Variants in WDR7 observed in about 807,000 individuals in gnomAD.
The protein encoded by WDR7 is WD repeat-containing protein 7.
WDR7 carries 46 observed loss-of-function variants against 169.4 expected under a neutral mutation model. The ratio of observed to expected loss-of-function variants is 0.27; its 90% confidence interval spans 0.21 to 0.35. WDR7 has a LOEUF of 0.35. Among genes scored for constraint, WDR7 ranks in the 10% least tolerant of loss-of-function variants. The probability of loss-of-function intolerance (pLI) is 1.00; values close to 1 mark genes in which losing one functional copy is unlikely to be tolerated. For synonymous variants in WDR7, 612 were observed against 666.8 expected (o/e 0.92, Z 1.27); for missense variants, 1,534 against 1,859.3 (o/e 0.83, Z 3.22).
intron 14 of WDR7, among the ~76,000 whole-genome samples, chr18:56,741,768 C>A (rs1391139957): frequency 6.6e-6 from 1 of 152,182 alleles, no homozygotes; most frequent in Non-Finnish European, 1.5e-5. Context: ...AAACTAAATT[C>A]TCAAAACTAA....
chr18:56,687,421 A>G (rs1465109921), intron 7 of WDR7, among the ~76,000 whole-genome samples: 1 of 152,218 alleles, frequency 6.6e-6, no homozygotes, highest in Non-Finnish European at 1.5e-5. Flanking sequence ...CCAGACTTTA[A>G]TATTTCCATA....
chr18:56,908,466 G>T, intron 21 of WDR7, among the ~76,000 whole-genome samples: 1 of 152,098 alleles, frequency 6.6e-6, no homozygotes, highest in Non-Finnish European at 1.5e-5. Context: ...TATTTCATTT[G>T]CAATATTAAA....
intron 19 of WDR7, 129 bp downstream of exon 19, chr18:56,781,785 T>A (rs1599038684): frequency 1.9e-6 from 2 of 1,034,122 alleles, no homozygotes; most frequent in East Asian, 3.1e-5. Context: ...AAAGAACAGA[T>A]CCTCAAATTC....
intron 25 of WDR7, among the ~76,000 whole-genome samples, chr18:56,952,812 A>G (rs1388959911): frequency 6.6e-6 from 1 of 152,222 alleles, no homozygotes; most frequent in East Asian, 1.9e-4. Flanking sequence ...ATATTACTAA[A>G]TGCATATTAC....
At chr18:56,962,025 G>A (rs2047345226) in intron 25 of WDR7, among the ~76,000 whole-genome samples, 1 of 151,958 alleles carries the variant, frequency 6.6e-6, no homozygotes, top group African/African-American at 2.4e-5. Flanking sequence ...ATAATTACAT[G>A]GAATACGTAA....
intron 22 of WDR7, among the ~76,000 whole-genome samples, chr18:56,928,769 A>G (rs76116184): frequency 6.6e-6 from 1 of 152,310 alleles, no homozygotes; most frequent in East Asian, 1.9e-4. Context: ...CAGATGAGAA[A>G]AAAATGAATC....
rs1468348007 is a variant in WDR7 at position 56,986,131 on chromosome 18, TGTGTGTGTGTGTG to T, written c.4164+23603_4164+23615del. Among the ~76,000 whole-genome samples the T allele has an allele frequency of 4.9e-3, 25 of 5,138 alleles. No homozygotes were observed. In the East Asian group the frequency reaches 0.22, roughly 45 times the overall value. The allele number at this position is 5,138 out of a possible 152,430, so 3.4% of individuals were successfully genotyped here. ...AATAGAGCTAATTTCAGCTTCTTTG[TGTGTGTGTGTGTG>T]TGTGTGTGTGTGTGTGTGTGTGTGT... is the stretch of plus-strand genomic sequence containing the variant. On this transcript the variant is annotated intron_variant, in intron 26 of 27. Coordinates refer to ENST00000254442, the MANE Select transcript of WDR7 (RefSeq NM_015285.3).
At chr18:56,823,206 A>G (rs995161218) in intron 20 of WDR7, among the ~76,000 whole-genome samples, 4 of 152,138 alleles carry the variant, frequency 2.6e-5, no homozygotes, top group African/African-American at 4.8e-5. Flanking sequence ...TGTATCTCCA[A>G]CCTAGCCTTC....
chr18:56,688,884 T>C (rs186468381), intron 7 of WDR7, among the ~76,000 whole-genome samples: 313 of 152,298 alleles, frequency 2.1e-3, no homozygotes, highest in African/African-American at 7.2e-3. Context: ...TTTTTCTTTC[T>C]TAAAATGCAT....
rs561337130 is a variant in WDR7 at position 56,841,260 on chromosome 18, G to A, written c.3304+25116G>A. 2.0e-5 allele frequency among the ~76,000 whole-genome samples: 3 copies of A among 151,902 alleles called. No individual in the cohort carries two copies. The East Asian group carries it at 5.8e-4, about 29-fold the overall frequency. On this transcript the variant is annotated intron_variant, in intron 20 of 27. Transcript: ENST00000254442. ...ATTTACAATTAGAAATAAAGGGAAT[G>A]GCTGGGCGCGGTGGCCCACACCTGT...
intron 25 of WDR7, among the ~76,000 whole-genome samples, chr18:56,944,965 A>G (rs926099100): frequency 1.3e-5 from 2 of 152,344 alleles, no homozygotes; most frequent in Non-Finnish European, 2.9e-5. Context: ...TTCTAACTCC[A>G]AGATAAAACC....
chr18:56,663,533 A>T lies in WDR7; in HGVS notation c.-19-8964A>T, dbSNP rs558630582. ...TGAATCATCATGGTATGTATAAGTT[A>T]CTTTCAAGTGGTTCTACACACACAA... On this transcript the variant is annotated intron_variant, in intron 1 of 27. Coordinates refer to ENST00000254442, the MANE Select transcript of WDR7 (RefSeq NM_015285.3). 7.2e-5 allele frequency among the ~76,000 whole-genome samples: 11 copies of T among 152,230 alleles called. No homozygotes were observed. The East Asian group carries it at 2.1e-3, about 29-fold the overall frequency.
intron 19 of WDR7, among the ~76,000 whole-genome samples, chr18:56,798,000 A>G (rs1015865021): frequency 4.6e-5 from 7 of 152,138 alleles, no homozygotes; most frequent in African/African-American, 1.2e-4. Context: ...TATTACATAT[A>G]TGTCGCAGGG....
chr18:56,653,098 A>G (rs1343932502), intron 1 of WDR7, among the ~76,000 whole-genome samples: 2 of 152,178 alleles, frequency 1.3e-5, no homozygotes, highest in Non-Finnish European at 2.9e-5. Flanking sequence ...GATGTTTATT[A>G]GATGTATGAG....
intron 21 of WDR7, among the ~76,000 whole-genome samples, chr18:56,899,139 G>A (rs376885951): frequency 2.6e-5 from 4 of 151,786 alleles, no homozygotes; most frequent in East Asian, 1.9e-4. Flanking sequence ...TCCAGTTTTC[G>A]AGGGTGCTAT....
intron 19 of WDR7, among the ~76,000 whole-genome samples, chr18:56,804,023 C>G (rs1242940449): frequency 6.6e-6 from 1 of 152,166 alleles, no homozygotes; most frequent in Non-Finnish European, 1.5e-5. Flanking sequence ...GACTCGAACT[C>G]CTGGCTGAAG....
intron 15 of WDR7, among the ~76,000 whole-genome samples, chr18:56,757,752 A>T (rs908160574): frequency 6.6e-6 from 1 of 152,096 alleles, no homozygotes; most frequent in Non-Finnish European, 1.5e-5. Context: ...CAGGAGGATC[A>T]CTTGAAGCCA....
chr18:56,768,147 C>T (rs1012510119), intron 16 of WDR7, among the ~76,000 whole-genome samples: 39 of 152,214 alleles, frequency 2.6e-4, no homozygotes, highest in African/African-American at 8.4e-4. Context: ...TAGATTTGCT[C>T]ACCTGGTCAA....
intron 20 of WDR7, among the ~76,000 whole-genome samples, chr18:56,818,767 A>G (rs773691773): frequency 6.6e-6 from 1 of 152,172 alleles, no homozygotes; most frequent in Non-Finnish European, 1.5e-5. Context: ...TTCAAGCACA[A>G]TAATCTTGTT....
Sources: allele counts gnomAD v4.1 joint callset (sites outside exome capture counted in the v4.1 genomes callset), GRCh38; gene constraint gnomAD v4.1.1; transcripts MANE v1.5; gene names NCBI Gene and HGNC (gene_info 2026-07-23, HGNC 2026-07-21).